BUB1: variants seen among roughly 807,000 people sequenced by gnomAD.
BUB1 encodes the protein BUB1 mitotic checkpoint serine/threonine kinase.
BUB1 carries 84 observed loss-of-function variants against 135.2 expected under a neutral mutation model. The ratio of observed to expected loss-of-function variants is 0.62; its 90% CI spans 0.52 to 0.74. BUB1 has a LOEUF of 0.74. Among genes scored for constraint, BUB1 ranks in the 30% least tolerant of loss-of-function variants. BUB1 has a pLI of 0.00. For synonymous variants in BUB1, 403 were observed against 434.4 expected (o/e 0.93, Z 0.90); for missense variants, 1,162 against 1,288.3 (o/e 0.90, Z 1.50).
chr2:110,660,072 A>G (rs762564576), intron 10 of BUB1, 36 bp from the exon 11 acceptor site: 24 of 1,569,424 alleles, frequency 1.5e-5, no homozygotes, highest in Non-Finnish European at 2.1e-5. Flanking sequence ...ACTAGAGAAT[A>G]AAATGCTTGA....
Position 110,667,615 on chromosome 2 carries a change from A to G in BUB1, c.711T>C (p.Tyr237=), listed in dbSNP as rs1690294734. Reference sequence around the variant, plus strand: ...CCCCACGAATAAGCTTCTCCTTGCAATACATAACAACCTGCTCAACATCAA... The same window carrying G: ...CCCCACGAATAAGCTTCTCCTTGCAGTACATAACAACCTGCTCAACATCAA... ...SKVDVEQVVM[Y]CKEKLIRGES... is the part of the protein sequence containing the mutation. Residue 237 remains tyrosine (Y), a synonymous_variant, in exon 8 of 25, where the codon TAT becomes TAC. Transcript: ENST00000302759. The G allele has an allele frequency of 6.2e-7, 1 of 1,613,966 alleles. No individual in the cohort carries two copies. Among genetic ancestry groups the G allele is most frequent in the Admixed American group, 1.7e-5 (1 of 60,008 alleles).
chr2:110,663,070 G>A (rs1030636763), intron 9 of BUB1, among the ~76,000 whole-genome samples: 1 of 152,192 alleles, frequency 6.6e-6, no homozygotes, highest in Non-Finnish European at 1.5e-5. Flanking sequence ...CACAAGGTCA[G>A]GAGTTCACGA....
At chr2:110,660,802 C>T (rs1379420111) in intron 10 of BUB1, 1 of 152,148 alleles carries the variant, frequency 6.6e-6, no homozygotes, top group East Asian at 1.9e-4. Context: ...AGCCAGCAGC[C>T]ACAGTGCAAT....
chr2:110,674,440 T>C, intron 1 of BUB1, 75 bp from the exon 2 acceptor site: 4 of 1,373,882 alleles, frequency 2.9e-6, no homozygotes, highest in Non-Finnish European at 4.1e-6. Flanking sequence ...TCATTTTATA[T>C]ATACCATTTA....
Position 110,637,900 on chromosome 2 carries a change from C to T in BUB1, c.*64G>A. On this transcript the variant is annotated 3_prime_UTR_variant, in exon 25 of 25. Coordinates refer to ENST00000302759, the MANE Select transcript of BUB1 (RefSeq NM_004336.5). The stretch of plus-strand genomic sequence containing the variant: ...ACATAAACAATAAATGAAAAAAAAA[C>T]AGGTTTAAAGTGAGCAGATTCATAT... The T allele has an allele frequency of 9.2e-7, 1 of 1,085,224 alleles. No homozygotes were observed. Among genetic ancestry groups the T allele is most frequent in the Non-Finnish European group, 1.2e-6 (1 of 808,128 alleles). 67.2% of individuals were successfully genotyped at this position (1,085,224 alleles called of 1,614,324 possible).
At chr2:110,638,926 CTTTT>C (rs954149224) in intron 24 of BUB1, among the ~76,000 whole-genome samples, 21 of 147,780 alleles carry the variant, frequency 1.4e-4, no homozygotes, top group African/African-American at 5.0e-4. Flanking sequence ...TGCCATTTTT[CTTTT>C]TTTTTTGTGG....
chr2:110,657,702 T>C, intron 13 of BUB1, 57 bp from the exon 14 acceptor site: 1 of 1,251,032 alleles, frequency 8.0e-7, no homozygotes, highest in Middle Eastern at 2.1e-4. Flanking sequence ...ACATCCTTTA[T>C]ATTAAACTTC....
chr2:110,641,255 G>A, intron 22 of BUB1, 50 bp from the exon 23 acceptor site: 2 of 1,584,072 alleles, frequency 1.3e-6, no homozygotes, highest in South Asian at 1.2e-5. Context: ...AATGATGAAA[G>A]GCTGCTATGG....
At chr2:110,662,921 AT>A (rs920261588) in intron 9 of BUB1, among the ~76,000 whole-genome samples, 3 of 152,200 alleles carry the variant, frequency 2.0e-5, no homozygotes, top group African/African-American at 7.2e-5. Context: ...AACCTACACC[AT>A]TTTCTCACCT....
At chr2:110,676,680 T>A (rs951980639) in intron 1 of BUB1, 4 of 152,180 alleles carry the variant, frequency 2.6e-5, no homozygotes, top group African/African-American at 9.7e-5. Flanking sequence ...CCAGGGATAT[T>A]GTTAGGCAAA....
chr2:110,657,472 T>G, intron 14 of BUB1, 74 bp downstream of exon 14: 1 of 1,116,686 alleles, frequency 9.0e-7, no homozygotes, highest in East Asian at 2.7e-5. Context: ...TCACATTCTC[T>G]CCTCACCACC....
intron 15 of BUB1, 47 bp downstream of exon 15, chr2:110,656,989 C>T (rs766255967): frequency 7.2e-6 from 10 of 1,396,850 alleles, no homozygotes; most frequent in South Asian, 1.3e-5. Flanking sequence ...TAGAATAAAG[C>T]GGATGGGTTG....
chr2:110,649,515 A>G, intron 18 of BUB1, 138 bp from the exon 19 acceptor site: 1 of 823,964 alleles, frequency 1.2e-6, no homozygotes. Flanking sequence ...ATTAATTCAA[A>G]ATAAAAAAGA....
chr2:110,673,527 G>C (rs531902415), intron 3 of BUB1, among the ~76,000 whole-genome samples: 1 of 152,006 alleles, frequency 6.6e-6, no homozygotes, highest in African/African-American at 2.4e-5. Context: ...AATTGAATTG[G>C]AGACACAACT....
intron 3 of BUB1, among the ~76,000 whole-genome samples, chr2:110,673,604 G>C (rs180684367): frequency 3.4e-4 from 51 of 151,750 alleles, no homozygotes; most frequent in Non-Finnish European, 6.2e-4. Context: ...GTGGGGGAGC[G>C]GGGGGTGGGG....
At chr2:110,650,901 G>A in intron 17 of BUB1, 117 bp from the exon 18 acceptor site, 1 of 954,520 alleles carries the variant, frequency 1.0e-6, no homozygotes, top group South Asian at 1.6e-5. Flanking sequence ...TAGCCTCACA[G>A]ACTAAAAGTT....
chr2:110,658,837 T>G, intron 11 of BUB1, 95 bp from the exon 12 acceptor site: 2 of 1,474,442 alleles, frequency 1.4e-6, no homozygotes, highest in Non-Finnish European at 1.9e-6. Context: ...TAAAACAGTT[T>G]GTCATTGTTA....
In BUB1 at chr2:110,641,014, C is replaced by T; in HGVS notation, c.2955+20G>A. On this transcript the variant is annotated intron_variant, in intron 23 of 24. Transcript: ENST00000302759. ...GCAACACAGAAAAATATTTCCAAGTCCCTCACTTTAGTTTTATACCTGGTA... is the reference window on the plus strand; with the variant it reads ...GCAACACAGAAAAATATTTCCAAGTTCCTCACTTTAGTTTTATACCTGGTA... 6.5e-7 allele frequency: 1 copy of T among 1,527,622 alleles called. No homozygotes were observed. Among genetic ancestry groups the T allele is most frequent in the Non-Finnish European group, 8.8e-7 (1 of 1,140,018 alleles). 94.6% of individuals were successfully genotyped at this position (1,527,622 alleles called of 1,614,324 possible).
chr2:110,638,708 C>T (rs1689423151), intron 24 of BUB1, among the ~76,000 whole-genome samples: 6 of 152,192 alleles, frequency 3.9e-5, no homozygotes. Flanking sequence ...GCCATCAGGC[C>T]TGCTGAGGGT....
Sources: gnomAD v4.1 joint callset for allele counts (sites outside exome capture counted in the v4.1 genomes callset) on GRCh38, gnomAD v4.1.1 for gene constraint, MANE v1.5 for transcripts, NCBI Gene and HGNC (gene_info 2026-07-23, HGNC 2026-07-21) for gene names.